Variants in RRAGD observed in about 807,000 individuals in gnomAD.
RRAGD encodes Ras related GTP binding D.
Under a neutral mutation model 35.5 loss-of-function variants are expected in RRAGD, and 12 were observed. The observed-to-expected ratio is 0.34, with a 90% confidence interval of 0.22 to 0.55. The LOEUF (loss-of-function observed/expected upper bound fraction) is 0.55. Ranked by LOEUF, RRAGD falls within the 20% of genes least tolerant of loss-of-function variation. RRAGD has a pLI of 0.91. For missense variants in RRAGD, 324 were observed against 490.1 expected (o/e 0.66, Z 3.20); for synonymous variants, 155 against 178.9 (o/e 0.87, Z 1.07).
At chr6:89,373,080 T>C (rs1231290512) in intron 5 of RRAGD, among the ~76,000 whole-genome samples, 3 of 152,252 alleles carry the variant, frequency 2.0e-5, no homozygotes, top group Non-Finnish European at 4.4e-5. Context: ...ATCGTCTATA[T>C]ATTAGATAAT....
At chr6:89,379,133 A>G in intron 4 of RRAGD, 91 bp downstream of exon 4, 1 of 637,258 alleles carries the variant, frequency 1.6e-6, no homozygotes, top group South Asian at 2.1e-5. Flanking sequence ...TTGAAATGCT[A>G]TAGAAGCAAT....
At chr6:89,399,712 A>T (rs564356370) in intron 1 of RRAGD, among the ~76,000 whole-genome samples, 1 of 151,974 alleles carries the variant, frequency 6.6e-6, no homozygotes, top group African/African-American at 2.4e-5. Context: ...CCCAGAAGTT[A>T]AGGCTGCAGT....
At chr6:89,372,690 A>C (rs1209095815) in intron 5 of RRAGD, 105 bp from the exon 6 acceptor site, 3 of 1,197,268 alleles carry the variant, frequency 2.5e-6, no homozygotes, top group Non-Finnish European at 3.5e-6. Flanking sequence ...GATAATCATA[A>C]GTTGTTTACA....
At chr6:89,385,661 T>C (rs1011791615) in intron 2 of RRAGD, among the ~76,000 whole-genome samples, 2 of 152,172 alleles carry the variant, frequency 1.3e-5, no homozygotes, top group Non-Finnish European at 2.9e-5. Context: ...CACGTGTTTC[T>C]GGGTAGGCCC....
intron 5 of RRAGD, among the ~76,000 whole-genome samples, chr6:89,377,261 C>A: frequency 6.6e-6 from 1 of 152,080 alleles, no homozygotes; most frequent in Admixed American, 6.6e-5. Context: ...AGGGTTGGTA[C>A]CCCAACCCCT....
chr6:89,376,235 G>A (rs543982292), intron 5 of RRAGD, among the ~76,000 whole-genome samples: 54 of 152,024 alleles, frequency 3.6e-4, no homozygotes, highest in African/African-American at 1.3e-3. Context: ...GTAAAGGCAC[G>A]TTATGAGCCT....
chr6:89,391,541 G>A (rs1295231787), intron 1 of RRAGD, among the ~76,000 whole-genome samples: 1 of 152,208 alleles, frequency 6.6e-6, no homozygotes, highest in Non-Finnish European at 1.5e-5. Context: ...TACATGAAAT[G>A]TTCAGAATGG....
chr6:89,402,038 A>AATTTTTTTTTTTT (rs1554205014), intron 1 of RRAGD, among the ~76,000 whole-genome samples: 1 of 78,440 alleles, frequency 1.3e-5, no homozygotes, highest in Non-Finnish European at 2.2e-5. Flanking sequence ...AATCCTAAGG[A>AATTTTTTTTTTTT]TTTTTTTTTT....
At chr6:89,371,078 T>G in intron 6 of RRAGD, among the ~76,000 whole-genome samples, 2 of 151,388 alleles carry the variant, frequency 1.3e-5, no homozygotes, top group Admixed American at 1.3e-4. Context: ...GTATTAAATA[T>G]AAAACTATAT....
chr6:89,389,399 C>CA, intron 1 of RRAGD, among the ~76,000 whole-genome samples: 1 of 151,566 alleles, frequency 6.6e-6, no homozygotes, highest in Non-Finnish European at 1.5e-5. Flanking sequence ...ACTAAAAATA[C>CA]AAAAAAATTA....
rs1582529781 is a variant in RRAGD, at chr6:89,411,602, C to T, written c.148+244G>A. 3.7e-6 allele frequency: 2 copies of T among 546,480 alleles called. No homozygotes were observed. The highest frequency in any genetic ancestry group is 2.1e-5 in the South Asian group (1 of 47,462). 33.9% of individuals were successfully genotyped at this position (546,480 alleles called of 1,614,324 possible). ...GAAGCGCGCGCTCCTCCAGCCCAGA[C>T]GCTTACTCCCTCCTTCCCCTTTTCC... On this transcript the variant is annotated intron_variant, in intron 1 of 6. Transcript: ENST00000369415. This position sits in a 1 kb window ranked among gnomAD's most constrained non-coding sequence, Gnocchi z 5.6.
At position 89,411,428 on chromosome 6, in the gene RRAGD, T is replaced by A. The variant is rs191199195; in HGVS notation, c.148+418A>T. 6.0e-3 allele frequency: 955 copies of A among 159,460 alleles called. 15 individuals are homozygous for A. Among genetic ancestry groups the A allele is most frequent in the African/African-American group, 0.021 (885 of 41,938 alleles). The allele number at this position is 159,460 out of a possible 1,614,324, so 9.9% of individuals were successfully genotyped here. A position where few individuals can be genotyped will look rare whatever the true frequency, so the allele number is the denominator to read the frequency against. ...CACGCCGCCGCCGGCTGCCTTTTTT[T>A]AGCCACGACATCTGACCCTGGCTTC... On this transcript the variant is annotated intron_variant, in intron 1 of 6. Transcript: ENST00000369415. The surrounding 1 kb of genome is among the most constrained non-coding windows in gnomAD (Gnocchi z 5.6).
chr6:89,382,893 A>T (rs1280470610), intron 2 of RRAGD, among the ~76,000 whole-genome samples: 2 of 152,148 alleles, frequency 1.3e-5, no homozygotes, highest in African/African-American at 4.8e-5. Context: ...ATAAAAAAAA[A>T]AATTAAATTA....
rs545549722 is a variant in RRAGD at position 89,383,340 on chromosome 6, T to C, written c.445-2973A>G. On this transcript the variant is annotated intron_variant, in intron 2 of 6. Transcript: ENST00000369415. Reference sequence around the variant, plus strand: ...GCTACTCTAACCTCCCTGCCAAGCATATAAAATGGTCTGATTACCAACTAA... The same window carrying C: ...GCTACTCTAACCTCCCTGCCAAGCACATAAAATGGTCTGATTACCAACTAA... Among the ~76,000 whole-genome samples, 10 of 152,252 alleles carry C rather than the reference T, an allele frequency of 6.6e-5. No individual in the cohort carries two copies. The East Asian group carries it at 1.9e-3, about 29-fold the overall frequency.
intron 1 of RRAGD, among the ~76,000 whole-genome samples, chr6:89,390,293 G>A (rs566333861): frequency 9.9e-5 from 15 of 152,256 alleles, no homozygotes; most frequent in African/African-American, 2.9e-4. Context: ...CTAGTATCCC[G>A]AATATATAAA....
Position 89,380,336 on chromosome 6 carries a change from T to C in RRAGD, c.476A>G (p.His159Arg). The change falls in exon 3 of 7, where the codon CAC becomes CGC. Residue 159 changes from histidine to arginine, a missense_variant. This residue lies in a region of RRAGD where 152 missense variants were observed against 296.9 expected (regional missense o/e 0.51). Coordinates refer to ENST00000369415, the MANE Select transcript of RRAGD (RefSeq NM_021244.5). The stretch of plus-strand genomic sequence containing the variant: ...TTTGTAGGCCCTGGTCACCGTGAGG[T>C]GGAGCCTGGCCAGGGCTTCCATGTA... ...DDYMEALARLHLTVTRAYKVN... is the reference protein window; with the variant it reads ...DDYMEALARLRLTVTRAYKVN... The C allele has an allele frequency of 6.2e-7, 1 of 1,614,206 alleles. No individual in the cohort carries two copies. Among genetic ancestry groups the C allele is most frequent in the Non-Finnish European group, 8.5e-7 (1 of 1,180,034 alleles).
chr6:89,370,498 C>T (rs150307166), intron 6 of RRAGD, among the ~76,000 whole-genome samples: 7 of 152,308 alleles, frequency 4.6e-5, no homozygotes, highest in Middle Eastern at 3.4e-3. Context: ...ACCAGAAAAT[C>T]TTTCTGAAGA....
chr6:89,365,673 T>C lies in RRAGD; in HGVS notation c.*2383A>G, dbSNP rs1464538280. ...TACCATGAACTTGGGCCCTATGTCA[T>C]AGAATTATTTTTGCCTTTCCCCCAA... is the stretch of plus-strand genomic sequence containing the variant. On this transcript the variant is annotated 3_prime_UTR_variant, in exon 7 of 7. Transcript: ENST00000369415. 2 of 152,210 alleles carry C rather than the reference T, an allele frequency of 1.3e-5. No individual in the cohort carries two copies. The highest frequency in any genetic ancestry group is 4.8e-5 in the African/African-American group (2 of 41,450). The allele number at this position is 152,210 out of a possible 1,614,324, so 9.4% of individuals were successfully genotyped here.
chr6:89,364,694 A>G lies in RRAGD; in HGVS notation c.*3362T>C, dbSNP rs1463108072. ...ATAAAATGAGAGCTGGTTAATCAGG[A>G]CAAATAAATTTTACCAAATGGATGT... On this transcript the variant is annotated 3_prime_UTR_variant, in exon 7 of 7. Coordinates refer to ENST00000369415, the MANE Select transcript of RRAGD (RefSeq NM_021244.5). 1 of 152,244 alleles carries G rather than the reference A, an allele frequency of 6.6e-6. No homozygotes were observed. The highest frequency in any genetic ancestry group is 2.4e-5 in the African/African-American group (1 of 41,468). 9.4% of individuals were successfully genotyped at this position (152,244 alleles called of 1,614,324 possible).
Sources: allele counts gnomAD v4.1 joint callset (sites outside exome capture counted in the v4.1 genomes callset), GRCh38; gene constraint gnomAD v4.1.1; regional missense constraint gnomAD v4.1.1; non-coding constraint Gnocchi (gnomAD v3.1); transcripts MANE v1.5; gene names NCBI Gene and HGNC (gene_info 2026-07-23, HGNC 2026-07-21).